The following FHOD3 variants were observed in gnomAD, a reference collection of about 807,000 sequenced individuals.
FHOD3 encodes the protein FH1/FH2 domain-containing protein 3.
FHOD3 carries 90 observed loss-of-function variants against 173.0 expected under a neutral mutation model. The observed-to-expected ratio is 0.52, with a 90% CI of 0.44 to 0.62. FHOD3 has a LOEUF of 0.62. FHOD3 is among the 20% of genes least tolerant of loss of function. The pLI is 0.00. For missense variants in FHOD3, 1,945 were observed against 2,034.7 expected, an observed-to-expected ratio of 0.96 and a Z score of 0.85; for synonymous variants, 828 against 823.0, an observed-to-expected ratio of 1.01 and a Z score of -0.10.
At chr18:36,435,658 T>C (rs1599106379) in intron 3 of FHOD3, among the ~76,000 whole-genome samples, 1 of 152,176 alleles carries the variant, frequency 6.6e-6, no homozygotes, top group Non-Finnish European at 1.5e-5. Context: ...TAGAATGATA[T>C]ATGAAAAGCA....
At chr18:36,419,588 GT>G (rs946888467) in intron 3 of FHOD3, among the ~76,000 whole-genome samples, 44 of 152,160 alleles carry the variant, frequency 2.9e-4, no homozygotes, top group African/African-American at 1.1e-3. Flanking sequence ...TAATTTTTAG[GT>G]TTACTGTAAG....
chr18:36,301,035 C>A (rs774847617), intron 1 of FHOD3, among the ~76,000 whole-genome samples: 1 of 152,176 alleles, frequency 6.6e-6, no homozygotes, highest in Non-Finnish European at 1.5e-5. Context: ...AGCCACCGTG[C>A]CTGGCTGGGA....
chr18:36,475,691 T>C (rs1175358074), intron 3 of FHOD3, among the ~76,000 whole-genome samples: 1 of 151,832 alleles, frequency 6.6e-6, no homozygotes, highest in Non-Finnish European at 1.5e-5. Context: ...AATAGAGCAA[T>C]GTATACCAAA....
intron 24 of FHOD3, among the ~76,000 whole-genome samples, chr18:36,748,382 A>ACAACACACACAC (rs1555836081): frequency 7.0e-6 from 1 of 143,484 alleles, no homozygotes; most frequent in African/African-American, 2.6e-5. Flanking sequence ...ACACACACAC[A>ACAACACACACAC]ACACACACAC....
chr18:36,487,621 CTT>C (rs1470889795), intron 3 of FHOD3, among the ~76,000 whole-genome samples: 1 of 152,198 alleles, frequency 6.6e-6, no homozygotes, highest in Non-Finnish European at 1.5e-5. Context: ...CCCAGGTTCT[CTT>C]TCTCTTTTCT....
intron 5 of FHOD3, among the ~76,000 whole-genome samples, chr18:36,528,771 T>G (rs1011893285): frequency 6.6e-6 from 1 of 152,366 alleles, no homozygotes; most frequent in Non-Finnish European, 1.5e-5. Context: ...AGATCATGCC[T>G]TGAAGATTTT....
At chr18:36,742,152 A>G (rs2041932523) in intron 21 of FHOD3, among the ~76,000 whole-genome samples, 1 of 152,146 alleles carries the variant, frequency 6.6e-6, no homozygotes, top group South Asian at 2.1e-4. Context: ...GGGCCACAGA[A>G]TAACAGCAGT....
intron 5 of FHOD3, among the ~76,000 whole-genome samples, chr18:36,547,652 G>C (rs1308359123): frequency 5.3e-5 from 8 of 152,158 alleles, no homozygotes; most frequent in Non-Finnish European, 2.9e-5. Flanking sequence ...AAAGGGAACA[G>C]AACACGGGAG....
chr18:36,659,476 C>T (rs1157034136), intron 14 of FHOD3, among the ~76,000 whole-genome samples: 1 of 152,188 alleles, frequency 6.6e-6, no homozygotes, highest in African/African-American at 2.4e-5. Context: ...ATACAGATGA[C>T]CCTTGTCAAA....
chr18:36,653,111 T>C (rs1199925115), intron 12 of FHOD3, among the ~76,000 whole-genome samples, 182 bp downstream of exon 12: 1 of 152,258 alleles, frequency 6.6e-6, no homozygotes, highest in Non-Finnish European at 1.5e-5. Context: ...AGTGTTTACA[T>C]AAGATGCAGA....
chr18:36,764,662 G>A (rs2043064130), intron 27 of FHOD3, among the ~76,000 whole-genome samples: 1 of 152,176 alleles, frequency 6.6e-6, no homozygotes, highest in Non-Finnish European at 1.5e-5. Flanking sequence ...AGCGAGAAAA[G>A]ATGTTGGTGG....
chr18:36,692,930 A>G (rs1164769085), intron 16 of FHOD3: 1 of 458,498 alleles, frequency 2.2e-6, no homozygotes, highest in Non-Finnish European at 3.9e-6. Context: ...TGTTCCCTAA[A>G]AGAGCAAGAT....
intron 14 of FHOD3, among the ~76,000 whole-genome samples, chr18:36,674,772 C>A (rs1391730821): frequency 6.6e-6 from 1 of 152,118 alleles, no homozygotes; most frequent in African/African-American, 2.4e-5. Context: ...CGAGACTTCA[C>A]ATGAAGACAA....
At chr18:36,663,265 T>C (rs1200387644) in intron 14 of FHOD3, among the ~76,000 whole-genome samples, 1 of 152,200 alleles carries the variant, frequency 6.6e-6, no homozygotes. Flanking sequence ...ACAACATGTA[T>C]TGAATAACCC....
At position 36,521,262 on chromosome 18, in the gene FHOD3, T is replaced by A. The variant is rs138081133; in HGVS notation, c.511+8719T>A. Among the ~76,000 whole-genome samples the A allele has an allele frequency of 5.6e-3, 860 of 152,264 alleles. 8 individuals carry two copies. The highest frequency in any genetic ancestry group is 0.019 in the African/African-American group (783 of 41,550). The stretch of plus-strand genomic sequence containing the variant: ...ACCCTGTGATTTCCCCTGCCATTAA[T>A]GTGCCCAAGACCTCCAGCCCTGGCT... On this transcript the variant is annotated intron_variant, in intron 5 of 28. Coordinates refer to ENST00000590592, the MANE Select transcript of FHOD3 (RefSeq NM_001281740.3).
intron 7 of FHOD3, among the ~76,000 whole-genome samples, chr18:36,597,037 A>G (rs1349673711): frequency 6.6e-6 from 1 of 152,190 alleles, no homozygotes; most frequent in Non-Finnish European, 1.5e-5. Context: ...CTTGAGGACA[A>G]CTAACAAACT....
At chr18:36,691,651 A>G (rs1223954224) in intron 16 of FHOD3, among the ~76,000 whole-genome samples, 2 of 152,208 alleles carry the variant, frequency 1.3e-5, no homozygotes, top group Admixed American at 6.5e-5. Flanking sequence ...TTGTGTCTAC[A>G]TATACATGCA....
chr18:36,495,186 C>T (rs1444684096), intron 3 of FHOD3, among the ~76,000 whole-genome samples: 9 of 152,294 alleles, frequency 5.9e-5, no homozygotes, highest in Non-Finnish European at 8.8e-5. Context: ...AGCGATCTGC[C>T]GGCCCTGGCC....
chr18:36,567,888 G>A (rs574040560), intron 5 of FHOD3, among the ~76,000 whole-genome samples: 38 of 152,176 alleles, frequency 2.5e-4, no homozygotes, highest in Admixed American at 6.5e-4. Context: ...TCTGAGGAGT[G>A]GGGTGGAAAC....
Sources: allele counts gnomAD v4.1 joint callset (sites outside exome capture counted in the v4.1 genomes callset), GRCh38; gene constraint gnomAD v4.1.1; transcripts MANE v1.5; gene names NCBI Gene and HGNC (gene_info 2026-07-23, HGNC 2026-07-21).